Variants in RIMS1 observed in about 807,000 individuals in gnomAD.
RIMS1 encodes the protein regulating synaptic membrane exocytosis 1, also known as regulating synaptic membrane exocytosis protein 1.
Under a neutral mutation model 214.1 loss-of-function variants are expected in RIMS1, and 83 were observed. That is an observed-to-expected ratio of 0.39 (90% CI 0.32 to 0.47). The LOEUF is 0.47. Ranked by LOEUF, RIMS1 falls within the 20% of genes least tolerant of loss-of-function variation. The probability of loss-of-function intolerance (pLI) is 0.99; values close to 1 mark genes in which losing one functional copy is unlikely to be tolerated. For synonymous variants in RIMS1, 793 were observed against 786.8 expected (o/e 1.01, Z -0.13); for missense variants, 2,050 against 2,161.8 (o/e 0.95, Z 1.03).
intron 23 of RIMS1, among the ~76,000 whole-genome samples, chr6:72,282,955 A>C (rs560750564): frequency 7.0e-4 from 106 of 152,162 alleles, no homozygotes; most frequent in Non-Finnish European, 1.2e-3. Context: ...AAAGCGGAAG[A>C]GATTGGGAGA....
chr6:72,212,763 C>A, intron 6 of RIMS1: 1 of 976,334 alleles, frequency 1.0e-6, no homozygotes, highest in Non-Finnish European at 1.2e-6. Flanking sequence ...TTCCTGAATC[C>A]TGTGGATCTG....
At chr6:72,107,502 A>C (rs2035002678) in intron 4 of RIMS1, among the ~76,000 whole-genome samples, 1 of 152,202 alleles carries the variant, frequency 6.6e-6, no homozygotes, top group South Asian at 2.1e-4. Context: ...TGGAGGTTGC[A>C]GTGAGCCAAG....
chr6:72,328,494 A>G (rs2096557493), intron 28 of RIMS1, among the ~76,000 whole-genome samples: 1 of 151,806 alleles, frequency 6.6e-6, no homozygotes, highest in Non-Finnish European at 1.5e-5. Flanking sequence ...ATAAATATAT[A>G]TAGCTACTAT....
intron 1 of RIMS1, among the ~76,000 whole-genome samples, chr6:71,931,386 T>C (rs1162474822): frequency 6.6e-6 from 1 of 152,060 alleles, no homozygotes; most frequent in Non-Finnish European, 1.5e-5. Flanking sequence ...AATTTAAAAA[T>C]AGCCATTTGC....
intron 29 of RIMS1, among the ~76,000 whole-genome samples, chr6:72,366,068 A>G (rs2098004054): frequency 1.3e-5 from 2 of 152,242 alleles, no homozygotes; most frequent in East Asian, 3.8e-4. Flanking sequence ...GTAAAGCTCT[A>G]AGCATAAGGC....
chr6:72,334,244 G>C (rs187870604), intron 29 of RIMS1, among the ~76,000 whole-genome samples: 1 of 151,838 alleles, frequency 6.6e-6, no homozygotes, highest in Admixed American at 6.6e-5. Flanking sequence ...GTTGTGCAAC[G>C]TGACATATAC....
intron 1 of RIMS1, among the ~76,000 whole-genome samples, chr6:71,934,594 A>G (rs753484854): frequency 2.6e-5 from 4 of 152,196 alleles, no homozygotes; most frequent in Non-Finnish European, 4.4e-5. Context: ...CACTAATTGT[A>G]GGTGGGCATT....
At position 72,399,035 on chromosome 6, in the gene RIMS1, G is replaced by A; in HGVS notation, c.4801G>A (p.Asp1601Asn). The change falls in exon 33 of 34, where the codon GAT becomes AAT. Residue 1601 changes from aspartate (D) to asparagine (N), a missense_variant. Transcript: ENST00000521978. ...GACAAGAATTGCACGAAAAACCCTT[G>A]ATCCTTTGTATCAGCAGTCTCTGGT... Reference protein sequence around the residue: ...KKTRIARKTLDPLYQQSLVFD... With the variant: ...KKTRIARKTLNPLYQQSLVFD... The A allele has an allele frequency of 6.2e-7, 1 of 1,610,440 alleles. No homozygotes were observed. The highest frequency in any genetic ancestry group is 8.5e-7 in the Non-Finnish European group (1 of 1,177,780).
chr6:72,011,771 C>T (rs1417108438), intron 2 of RIMS1, among the ~76,000 whole-genome samples: 1 of 152,170 alleles, frequency 6.6e-6, no homozygotes, highest in African/African-American at 2.4e-5. Flanking sequence ...AAATCAAAAC[C>T]ACAATGAGAT....
chr6:71,970,168 A>G (rs568828377), intron 2 of RIMS1, among the ~76,000 whole-genome samples: 5 of 152,330 alleles, frequency 3.3e-5, no homozygotes, highest in African/African-American at 1.2e-4. Flanking sequence ...TTTCCAAGAA[A>G]TAAAAATAGT....
intron 1 of RIMS1, among the ~76,000 whole-genome samples, chr6:71,939,955 T>C (rs1252029991): frequency 7.2e-5 from 11 of 152,236 alleles, no homozygotes; most frequent in Non-Finnish European, 1.3e-4. Flanking sequence ...ACTAAGTATC[T>C]GTGTGAACTT....
intron 1 of RIMS1, among the ~76,000 whole-genome samples, chr6:71,911,264 C>G (rs552623468): frequency 6.6e-6 from 1 of 152,282 alleles, no homozygotes; most frequent in East Asian, 1.9e-4. Flanking sequence ...CATAGTCTTA[C>G]TCAACTTGGA....
At chr6:72,087,405 T>A (rs1001744469) in intron 2 of RIMS1, among the ~76,000 whole-genome samples, 1 of 152,254 alleles carries the variant, frequency 6.6e-6, no homozygotes, top group Non-Finnish European at 1.5e-5. Flanking sequence ...GTAAGGTAGA[T>A]GCCTAATGAT....
intron 29 of RIMS1, among the ~76,000 whole-genome samples, chr6:72,362,401 T>C (rs1165941303): frequency 2.0e-5 from 3 of 152,194 alleles, no homozygotes; most frequent in Admixed American, 1.3e-4. Context: ...GAGATTATTT[T>C]ACTTACCAGA....
chr6:71,902,204 A>G (rs2150472810), intron 1 of RIMS1, among the ~76,000 whole-genome samples: 1 of 152,084 alleles, frequency 6.6e-6, no homozygotes, highest in South Asian at 2.1e-4. Context: ...GTCTGTTTCT[A>G]TTTTTTCTGT....
At chr6:72,345,612 G>T (rs1324638640) in intron 29 of RIMS1, among the ~76,000 whole-genome samples, 1 of 151,678 alleles carries the variant, frequency 6.6e-6, no homozygotes, top group African/African-American at 2.4e-5. Context: ...TTTTGATAGA[G>T]ATTTTTTAAA....
At chr6:72,262,173 A>G in intron 19 of RIMS1, 1 of 960,376 alleles carries the variant, frequency 1.0e-6, no homozygotes. Context: ...TATAATAACT[A>G]AAAATATTTT....
At chr6:72,311,127 T>C (rs2095489170) in intron 27 of RIMS1, among the ~76,000 whole-genome samples, 1 of 152,148 alleles carries the variant, frequency 6.6e-6, no homozygotes, top group Non-Finnish European at 1.5e-5. Flanking sequence ...AAGGGGAGCA[T>C]TTGCTCTGGG....
At chr6:72,254,878 T>A (rs1448076494) in intron 16 of RIMS1, among the ~76,000 whole-genome samples, 3 of 152,180 alleles carry the variant, frequency 2.0e-5, no homozygotes, top group Non-Finnish European at 4.4e-5. Flanking sequence ...ACATGCATAA[T>A]CTCTGTTATC....
Sources: allele counts gnomAD v4.1 joint callset (sites outside exome capture counted in the v4.1 genomes callset), GRCh38; gene constraint gnomAD v4.1.1; transcripts MANE v1.5; gene names NCBI Gene and HGNC (gene_info 2026-07-23, HGNC 2026-07-21).